The following KITLG variants were observed in gnomAD, a reference collection of about 807,000 sequenced individuals.
The protein encoded by KITLG is KIT ligand.
In KITLG, 13 loss-of-function variants were observed where a neutral mutation model predicts 34.1. The observed-to-expected ratio is 0.38, with a 90% CI of 0.25 to 0.61. The LOEUF (loss-of-function observed/expected upper bound fraction) is 0.61. Among genes scored for constraint, KITLG ranks in the 20% least tolerant of loss-of-function variants. The probability of loss-of-function intolerance (pLI) is 0.60; values close to 1 mark genes in which losing one functional copy is unlikely to be tolerated. For synonymous variants in KITLG, 110 were observed against 104.0 expected (o/e 1.06, Z -0.35); for missense variants, 292 against 318.9 (o/e 0.92, Z 0.64).
At chr12:88,513,324 AT>A (rs563754479) in intron 6 of KITLG, among the ~76,000 whole-genome samples, 140 of 151,780 alleles carry the variant, frequency 9.2e-4, no homozygotes, top group South Asian at 1.9e-3. Flanking sequence ...TAGAAAAAAA[AT>A]AATTAACCAA....
At chr12:88,559,525 T>G (rs998634192) in intron 1 of KITLG, among the ~76,000 whole-genome samples, 4 of 152,158 alleles carry the variant, frequency 2.6e-5, no homozygotes, top group Admixed American at 2.6e-4. Flanking sequence ...TCAAATGCAC[T>G]TCAATATACT....
At chr12:88,569,702 G>C (rs1871576285) in intron 1 of KITLG, among the ~76,000 whole-genome samples, 1 of 152,160 alleles carries the variant, frequency 6.6e-6, no homozygotes, top group African/African-American at 2.4e-5. Context: ...TCTGACTGCA[G>C]AGTTTGGTTA....
At chr12:88,561,034 G>T (rs1265274970) in intron 1 of KITLG, among the ~76,000 whole-genome samples, 2 of 148,744 alleles carry the variant, frequency 1.3e-5, no homozygotes, top group Non-Finnish European at 3.0e-5. Context: ...CATGCACAGA[G>T]AAGTGGTATA....
intron 2 of KITLG, chr12:88,534,764 T>C (rs1247913499): frequency 2.2e-6 from 1 of 464,022 alleles, no homozygotes; most frequent in South Asian, 1.6e-5. Context: ...TACACTTAAC[T>C]TTCTTCCTCT....
intron 1 of KITLG, among the ~76,000 whole-genome samples, chr12:88,558,498 C>G (rs1871176815): frequency 6.6e-6 from 1 of 152,132 alleles, no homozygotes; most frequent in Non-Finnish European, 1.5e-5. Context: ...GCTTGATTGG[C>G]AAAGGTCACA....
chr12:88,555,301 G>A (rs751367050), intron 1 of KITLG, among the ~76,000 whole-genome samples: 10 of 152,152 alleles, frequency 6.6e-5, no homozygotes, highest in Non-Finnish European at 1.3e-4. Context: ...CATAGGACAA[G>A]CAGTTTGCAG....
chr12:88,513,529 G>T (rs769995017), intron 6 of KITLG, among the ~76,000 whole-genome samples: 2 of 151,642 alleles, frequency 1.3e-5, no homozygotes, highest in African/African-American at 2.4e-5. Context: ...GTCTACTAGA[G>T]ATGTACTTTA....
chr12:88,571,445 G>T (rs939775223), intron 1 of KITLG, among the ~76,000 whole-genome samples: 1 of 152,082 alleles, frequency 6.6e-6, no homozygotes, highest in Non-Finnish European at 1.5e-5. Flanking sequence ...CTCTCACATT[G>T]TCTCCAGTTT....
intron 6 of KITLG, 28 bp from the exon 7 acceptor site, chr12:88,507,165 T>C: frequency 7.6e-7 from 1 of 1,315,668 alleles, no homozygotes; most frequent in Non-Finnish European, 1.1e-6. Context: ...CACTGATGAA[T>C]ACAGCATATC....
chr12:88,552,570 T>C (rs148143693), intron 1 of KITLG, among the ~76,000 whole-genome samples: 1 of 152,070 alleles, frequency 6.6e-6, no homozygotes, highest in South Asian at 2.1e-4. Flanking sequence ...TTGGAATGAA[T>C]GAATGAATGA....
intron 1 of KITLG, among the ~76,000 whole-genome samples, chr12:88,571,969 C>T (rs902413115): frequency 6.6e-6 from 1 of 152,094 alleles, no homozygotes; most frequent in Non-Finnish European, 1.5e-5. Flanking sequence ...TACCTCTCAG[C>T]GGAAAAGTGC....
At chr12:88,528,303 G>C (rs1298120791) in intron 3 of KITLG, among the ~76,000 whole-genome samples, 1 of 152,012 alleles carries the variant, frequency 6.6e-6, no homozygotes, top group African/African-American at 2.4e-5. Context: ...ATCAGAGTGG[G>C]ACCACCTGGA....
At chr12:88,532,848 G>A (rs984629847) in intron 2 of KITLG, among the ~76,000 whole-genome samples, 1 of 151,990 alleles carries the variant, frequency 6.6e-6, no homozygotes, top group Non-Finnish European at 1.5e-5. Context: ...TCCTCCATAG[G>A]ATTAATCATA....
intron 3 of KITLG, among the ~76,000 whole-genome samples, chr12:88,526,736 C>T (rs1203687800): frequency 2.0e-5 from 3 of 151,618 alleles, no homozygotes; most frequent in African/African-American, 7.3e-5. Flanking sequence ...GTTAGCTAGA[C>T]AAAAGAACCA....
At chr12:88,532,367 T>C (rs1486899658) in intron 3 of KITLG, 74 bp downstream of exon 3, 1 of 1,056,942 alleles carries the variant, frequency 9.5e-7, no homozygotes, top group Non-Finnish European at 1.5e-6. Context: ...GCAGCTAGTG[T>C]ACTATCTCAA....
At chr12:88,517,994 A>G (rs1869514242) in intron 4 of KITLG, among the ~76,000 whole-genome samples, 1 of 152,188 alleles carries the variant, frequency 6.6e-6, no homozygotes, top group Non-Finnish European at 1.5e-5. Flanking sequence ...ACACAGTGTG[A>G]TGAAAAAACA....
intron 1 of KITLG, among the ~76,000 whole-genome samples, chr12:88,570,003 C>T (rs1871593573): frequency 6.6e-6 from 1 of 152,054 alleles, no homozygotes; most frequent in African/African-American, 2.4e-5. Flanking sequence ...CAAATAATTT[C>T]CTAATATGAT....
At chr12:88,550,740 G>C (rs1235040056) in intron 1 of KITLG, among the ~76,000 whole-genome samples, 1 of 152,122 alleles carries the variant, frequency 6.6e-6, no homozygotes, top group East Asian at 1.9e-4. Flanking sequence ...TCTGTTAGAT[G>C]GTTTGTGAGA....
At position 88,493,492 on chromosome 12, in the gene KITLG, A is replaced by G. The variant is rs1023121019; in HGVS notation, c.*3727T>C. On this transcript the variant is annotated 3_prime_UTR_variant, in exon 10 of 10. Transcript: ENST00000644744. ...ATTGTGTGATCAAACTCCACAAATG[A>G]GCTAATTAGAATTTCAATCTGAATG... 5 of 152,186 alleles carry G rather than the reference A, an allele frequency of 3.3e-5. No homozygotes were observed. Among genetic ancestry groups the G allele is most frequent in the African/African-American group, 7.2e-5 (3 of 41,442 alleles). The allele number at this position is 152,186 out of a possible 1,614,324, so 9.4% of individuals were successfully genotyped here. A position where few individuals can be genotyped will look rare whatever the true frequency, so the allele number is the denominator to read the frequency against.
Sources: gnomAD v4.1 joint callset for allele counts (sites outside exome capture counted in the v4.1 genomes callset) on GRCh38, gnomAD v4.1.1 for gene constraint, MANE v1.5 for transcripts, NCBI Gene and HGNC (gene_info 2026-07-23, HGNC 2026-07-21) for gene names.